Variants in DLX1 observed in about 807,000 individuals in gnomAD.
DLX1 encodes homeobox protein DLX-1.
Under a neutral mutation model 25.0 loss-of-function variants are expected in DLX1, and 7 were observed. That is an observed-to-expected ratio of 0.28 (90% confidence interval 0.16 to 0.52). The LOEUF (loss-of-function observed/expected upper bound fraction) is 0.52, where lower values mean the gene tolerates loss of function less well. Among genes scored for constraint, DLX1 ranks in the 20% least tolerant of loss-of-function variants. The pLI is 0.96. For missense variants in DLX1, 233 were observed against 334.4 expected (o/e 0.70, Z 2.37); for synonymous variants, 155 against 140.3 (o/e 1.10, Z -0.74).
At chr2:172,086,998 T>C in intron 2 of DLX1, 145 bp downstream of exon 2, 1 of 844,578 alleles carries the variant, frequency 1.2e-6, no homozygotes, top group Non-Finnish European at 2.0e-6. Context: ...TCTCAGCGTG[T>C]CTCCTTCCTC....
chr2:172,085,850 G>A lies in DLX1; in HGVS notation c.173G>A (p.Ser58Asn). ...CATTCGCAGCCCGACGGCGCCTACA[G>A]CTCAGCCTCGTCCTTCTCCCGACCG... ...AGHSQPDGAY[S>N]SASSFSRPLG... The change falls in exon 1 of 3, where the codon AGC becomes AAC. Residue 58 changes from serine (S) to asparagine (N), a missense_variant. By Grantham distance (46) the Ser-to-Asn change is conservative. Coordinates refer to ENST00000361725, the MANE Select transcript of DLX1 (RefSeq NM_178120.5). This position sits in a 1 kb window ranked among gnomAD's most constrained non-coding sequence, Gnocchi z 4.3. The A allele has an allele frequency of 6.2e-7, 1 of 1,614,216 alleles. No homozygotes were observed. The highest frequency in any genetic ancestry group is 8.5e-7 in the Non-Finnish European group (1 of 1,180,040).
intron 2 of DLX1, chr2:172,087,511 C>T (rs920362356): frequency 6.3e-5 from 29 of 458,942 alleles, no homozygotes; most frequent in African/African-American, 5.4e-4. Flanking sequence ...TTCAGCAAAA[C>T]CTTGAGGCCT....
rs918044431 is a variant in DLX1 at position 172,089,060 on chromosome 2, A to G, written c.*803A>G. The stretch of plus-strand genomic sequence containing the variant: ...GATTTGCATTTTTTACATGTCCGAC[A>G]TTATTTAATAAATAATTTTTAAAAG... On this transcript the variant is annotated 3_prime_UTR_variant, in exon 3 of 3. Transcript: ENST00000361725. 3.7e-4 allele frequency: 56 copies of G among 152,362 alleles called. No individual in the cohort carries two copies. The highest frequency in any genetic ancestry group is 1.3e-3 in the African/African-American group (54 of 41,576). 9.4% of individuals were successfully genotyped at this position (152,362 alleles called of 1,614,324 possible).
Position 172,085,651 on chromosome 2 carries a change from T to C in DLX1, c.-27T>C. The C allele has an allele frequency of 6.3e-7, 1 of 1,595,538 alleles. No individual in the cohort carries two copies. The highest frequency in any genetic ancestry group is 8.5e-7 in the Non-Finnish European group (1 of 1,171,366). On this transcript the variant is annotated 5_prime_UTR_variant, in exon 1 of 3. Transcript: ENST00000361725. This position sits in a 1 kb window ranked among gnomAD's most constrained non-coding sequence, Gnocchi z 4.3. ...CAAAAGGGAAGCAGAGGAGAGAAAG[T>C]CCCACACCCAGACCCCGCGAGAAGA...
chr2:172,087,122 G>C (rs1291543662), intron 2 of DLX1: 1 of 679,422 alleles, frequency 1.5e-6, no homozygotes, highest in East Asian at 2.9e-5. Context: ...TTCCCCAGAC[G>C]ATTTGTTTGG....
intron 2 of DLX1, 86 bp from the exon 3 acceptor site, chr2:172,087,917 C>T: frequency 6.7e-7 from 1 of 1,498,192 alleles, no homozygotes. Flanking sequence ...CCTATCTCTG[C>T]TGTTCTGCGG....
rs1194087054 is a variant in DLX1, at chr2:172,089,183, G to A, written c.*926G>A. 2 of 152,198 alleles carry A rather than the reference G, an allele frequency of 1.3e-5. No individual in the cohort carries two copies. Among genetic ancestry groups the A allele is most frequent in the Non-Finnish European group, 2.9e-5 (2 of 68,050 alleles). The allele number at this position is 152,198 out of a possible 1,614,324, so 9.4% of individuals were successfully genotyped here. On this transcript the variant is annotated 3_prime_UTR_variant, in exon 3 of 3. Transcript: ENST00000361725. ...AGGAAAATGCTGATTTCCTCCTTGG[G>A]TAGAAAGAGGGAGCGAGGGCAAATG...
rs773487262 is a variant in DLX1 at position 172,088,294 on chromosome 2, A to C, written c.*37A>C. The C allele has an allele frequency of 1.4e-6, 2 of 1,416,750 alleles. No homozygotes were observed. The highest frequency in any genetic ancestry group is 5.4e-5 in the Admixed American group (2 of 37,032). 87.8% of individuals were successfully genotyped at this position (1,416,750 alleles called of 1,614,324 possible). ...CGTCTCCTTCTTGTCTCCCCGGCCC[A>C]GGTCCCTCCCGCCTCCAGGTCCATC... On this transcript the variant is annotated 3_prime_UTR_variant, in exon 3 of 3. Transcript: ENST00000361725.
At position 172,085,648 on chromosome 2, in the gene DLX1, A is replaced by G; in HGVS notation, c.-30A>G. The G allele has an allele frequency of 6.3e-7, 1 of 1,591,092 alleles. No individual in the cohort carries two copies. The highest frequency in any genetic ancestry group is 8.6e-7 in the Non-Finnish European group (1 of 1,169,424). On this transcript the variant is annotated 5_prime_UTR_variant, in exon 1 of 3. Coordinates refer to ENST00000361725, the MANE Select transcript of DLX1 (RefSeq NM_178120.5). This position sits in a 1 kb window ranked among gnomAD's most constrained non-coding sequence, Gnocchi z 4.3. ...CCCCAAAAGGGAAGCAGAGGAGAGAAAGTCCCACACCCAGACCCCGCGAGA... is the reference window on the plus strand; with the variant it reads ...CCCCAAAAGGGAAGCAGAGGAGAGAGAGTCCCACACCCAGACCCCGCGAGA...
chr2:172,085,589 T>C lies in DLX1; in HGVS notation c.-89T>C, dbSNP rs1180667668. 1.8e-5 allele frequency: 24 copies of C among 1,367,164 alleles called. 1 individual carries two copies. The highest frequency in any genetic ancestry group is 4.5e-5 in the Admixed American group (2 of 44,518). The allele number at this position is 1,367,164 out of a possible 1,614,324, so 84.7% of individuals were successfully genotyped here. A position where few individuals can be genotyped will look rare whatever the true frequency, so the allele number is the denominator to read the frequency against. On this transcript the variant is annotated 5_prime_UTR_variant, in exon 1 of 3. Transcript: ENST00000361725. This position sits in a 1 kb window ranked among gnomAD's most constrained non-coding sequence, Gnocchi z 4.3. ...AGTGAAAACCCCTGTTCCGCTTAAATTGGGTTCCTTCCTGTCCTGAGAAAC... is the reference window on the plus strand; with the variant it reads ...AGTGAAAACCCCTGTTCCGCTTAAACTGGGTTCCTTCCTGTCCTGAGAAAC...
chr2:172,087,304 C>G (rs529466495), intron 2 of DLX1: 1 of 371,886 alleles, frequency 2.7e-6, no homozygotes, highest in East Asian at 7.2e-5. Flanking sequence ...TTTCCTCCGC[C>G]CTCTCACCTC....
rs1460260536 is a variant in DLX1, at chr2:172,085,555, T to C, written c.-123T>C. 4 of 1,003,532 alleles carry C rather than the reference T, an allele frequency of 4.0e-6. No individual in the cohort carries two copies. The highest frequency in any genetic ancestry group is 2.4e-5 in the East Asian group (1 of 41,234). The allele number at this position is 1,003,532 out of a possible 1,614,324, so 62.2% of individuals were successfully genotyped here. On this transcript the variant is annotated 5_prime_UTR_variant, in exon 1 of 3. The change abolishes an upstream ATG in the 5' untranslated region. Transcript: ENST00000361725. The surrounding 1 kb of genome is among the most constrained non-coding windows in gnomAD (Gnocchi z 4.3). ...CAAAGAGACAAACTCCATTTTCTTA[T>C]GAATGGAAAGTGAAAACCCCTGTTC...
chr2:172,088,428 C>G lies in DLX1; in HGVS notation c.*171C>G. 1.2e-6 allele frequency: 1 copy of G among 863,118 alleles called. No homozygotes were observed. Among genetic ancestry groups the G allele is most frequent in the Non-Finnish European group, 1.6e-6 (1 of 628,282 alleles). The allele number at this position is 863,118 out of a possible 1,614,324, so 53.5% of individuals were successfully genotyped here. A position where few individuals can be genotyped will look rare whatever the true frequency, so the allele number is the denominator to read the frequency against. ...GTCCGGCCCAGCAACTTCCCGGCAT[C>G]CGCGCTCTAGCCTGAACCCTGGCCT... On this transcript the variant is annotated 3_prime_UTR_variant, in exon 3 of 3. Transcript: ENST00000361725.
chr2:172,088,972 G>A lies in DLX1; in HGVS notation c.*715G>A, dbSNP rs866940923. ...GGGGAGAAACGAATAAGGAGGACGT[G>A]GTGATTTTTAATTTATACAGTAACT... is the stretch of plus-strand genomic sequence containing the variant. On this transcript the variant is annotated 3_prime_UTR_variant, in exon 3 of 3. Coordinates refer to ENST00000361725, the MANE Select transcript of DLX1 (RefSeq NM_178120.5). 9.2e-5 allele frequency: 14 copies of A among 152,228 alleles called. No homozygotes were observed. The highest frequency in any genetic ancestry group is 2.7e-4 in the African/African-American group (11 of 41,442). The allele number at this position is 152,228 out of a possible 1,614,324, so 9.4% of individuals were successfully genotyped here.
At chr2:172,087,476 G>C in intron 2 of DLX1, 1 of 457,322 alleles carries the variant, frequency 2.2e-6, no homozygotes, top group Non-Finnish European at 4.4e-6. Flanking sequence ...ACTAGTGCAA[G>C]AATGGTTTTG....
chr2:172,086,885 G>A lies in DLX1; in HGVS notation c.513+32G>A, dbSNP rs529837404. On this transcript the variant is annotated intron_variant, in intron 2 of 2. Transcript: ENST00000361725. ...CGCCGCTGCCGCTCCGTTCTGCCAC[G>A]CAGGCTTTCCGCGGCCGGCCTGCGC... 104 of 1,612,576 alleles carry A rather than the reference G, an allele frequency of 6.4e-5. 1 individual carries two copies. The South Asian group carries it at 9.6e-4, about 15-fold the overall frequency.
In DLX1 at chr2:172,085,650, G is replaced by A. The variant is rs1690821172; in HGVS notation, c.-28G>A. On this transcript the variant is annotated 5_prime_UTR_variant, in exon 1 of 3. Transcript: ENST00000361725. The surrounding 1 kb of genome is among the most constrained non-coding windows in gnomAD (Gnocchi z 4.3). The stretch of plus-strand genomic sequence containing the variant: ...CCAAAAGGGAAGCAGAGGAGAGAAA[G>A]TCCCACACCCAGACCCCGCGAGAAG... 1 of 1,595,170 alleles carries A rather than the reference G, an allele frequency of 6.3e-7. No homozygotes were observed. Among genetic ancestry groups the A allele is most frequent in the Non-Finnish European group, 8.5e-7 (1 of 1,171,154 alleles).
Position 172,088,131 on chromosome 2 carries a change from C to T in DLX1, c.642C>T (p.Pro214=). ...ALSAGSPPVP[P]GWNPNSSSGK... ...CTGCTGGCTCCCCACCCGTGCCGCC[C>T]GGCTGGAACCCTAACTCTTCATCCG... Residue 214 remains proline (P), a synonymous_variant, in exon 3 of 3, where the codon CCC becomes CCT. Coordinates refer to ENST00000361725, the MANE Select transcript of DLX1 (RefSeq NM_178120.5). 1 of 1,609,262 alleles carries T rather than the reference C, an allele frequency of 6.2e-7. No individual in the cohort carries two copies. Among genetic ancestry groups the T allele is most frequent in the Admixed American group, 1.7e-5 (1 of 59,444 alleles).
chr2:172,087,150 G>A (rs1690859442), intron 2 of DLX1: 1 of 641,052 alleles, frequency 1.6e-6, no homozygotes, highest in South Asian at 1.5e-5. Context: ...GAGGTCACAC[G>A]TGCCTAAACA....
Sources: allele counts gnomAD v4.1 joint callset, GRCh38; gene constraint gnomAD v4.1.1; non-coding constraint Gnocchi (gnomAD v3.1); transcripts MANE v1.5; gene names NCBI Gene and HGNC (gene_info 2026-07-23, HGNC 2026-07-21).